Variants in MARCHF1 observed in about 807,000 individuals in gnomAD.
The protein encoded by MARCHF1 is membrane associated ring-CH-type finger 1, also known as E3 ubiquitin-protein ligase MARCHF1.
In MARCHF1, 40 loss-of-function variants were observed where a neutral mutation model predicts 54.2. The ratio of observed to expected loss-of-function variants is 0.74; its 90% CI spans 0.57 to 0.96. The LOEUF (loss-of-function observed/expected upper bound fraction) is 0.96. Among genes scored for constraint, MARCHF1 ranks in the 40% least tolerant of loss-of-function variants. The pLI, the probability that MARCHF1 is intolerant of heterozygous loss-of-function variation, is 0.00. For synonymous variants in MARCHF1, 236 were observed against 236.3 expected, an observed-to-expected ratio of 1.00 and a Z score of 0.01; for missense variants, 586 against 656.5, an observed-to-expected ratio of 0.89 and a Z score of 1.17.
intron 8 of MARCHF1, among the ~76,000 whole-genome samples, chr4:163,556,220 A>G (rs887865394): frequency 6.6e-6 from 1 of 152,190 alleles, no homozygotes; most frequent in South Asian, 2.1e-4. Flanking sequence ...TAGGGTCCCA[A>G]TTGTGGAATT....
intron 1 of MARCHF1, among the ~76,000 whole-genome samples, chr4:164,226,789 T>C (rs184861936): frequency 6.6e-6 from 1 of 152,070 alleles, no homozygotes; most frequent in African/African-American, 2.4e-5. Context: ...CTCATCCCCA[T>C]CTCTCTCATT....
In MARCHF1 at chr4:164,082,290, C is replaced by G. The variant is rs1042436129; in HGVS notation, c.-248+29298G>C. Reference sequence around the variant, plus strand: ...TTATCTATCAGTGAAGTAAATTGTCCGCAAGAACACTAGGGACAGATGCTT... The same window carrying G: ...TTATCTATCAGTGAAGTAAATTGTCGGCAAGAACACTAGGGACAGATGCTT... On this transcript the variant is annotated intron_variant, in intron 2 of 9. Transcript: ENST00000514618. 2.6e-5 allele frequency among the ~76,000 whole-genome samples: 4 copies of G among 152,042 alleles called. 1 individual carries two copies. In the South Asian group the frequency reaches 8.3e-4, roughly 32 times the overall value.
chr4:163,931,904 C>G (rs902856138), intron 3 of MARCHF1, among the ~76,000 whole-genome samples: 2 of 152,164 alleles, frequency 1.3e-5, no homozygotes, highest in African/African-American at 4.8e-5. Flanking sequence ...ATAAATCTTT[C>G]TGTATATAAA....
chr4:163,891,467 ATT>A (rs199792095), intron 3 of MARCHF1, among the ~76,000 whole-genome samples: 1 of 149,240 alleles, frequency 6.7e-6, no homozygotes, highest in African/African-American at 2.5e-5. Context: ...AAGCTACACC[ATT>A]TTTTTTTTCC....
At chr4:163,846,861 G>A (rs546916802) in intron 4 of MARCHF1, among the ~76,000 whole-genome samples, 1 of 152,076 alleles carries the variant, frequency 6.6e-6, no homozygotes, top group Non-Finnish European at 1.5e-5. Flanking sequence ...CTCTGCTCAA[G>A]GAATATAATA....
intron 1 of MARCHF1, among the ~76,000 whole-genome samples, chr4:164,334,306 G>A (rs1729670125): frequency 6.6e-6 from 1 of 152,172 alleles, no homozygotes; most frequent in African/African-American, 2.4e-5. Flanking sequence ...AAGCTTCAAA[G>A]GACAGGCTGA....
chr4:163,580,779 G>T (rs1478291630), intron 8 of MARCHF1, among the ~76,000 whole-genome samples: 1 of 151,856 alleles, frequency 6.6e-6, no homozygotes, highest in Non-Finnish European at 1.5e-5. Flanking sequence ...CATCAGGAAT[G>T]ATTTAAGTAA....
intron 1 of MARCHF1, among the ~76,000 whole-genome samples, chr4:164,197,872 T>C (rs1406200236): frequency 6.6e-6 from 1 of 152,120 alleles, no homozygotes; most frequent in African/African-American, 2.4e-5. Flanking sequence ...GACTGATAAG[T>C]AACCTGGGTC....
chr4:164,051,191 C>T (rs1754357429), intron 2 of MARCHF1, among the ~76,000 whole-genome samples: 1 of 152,074 alleles, frequency 6.6e-6, no homozygotes, highest in Admixed American at 6.5e-5. Flanking sequence ...TAATGATGCT[C>T]ATCTCAAAGG....
chr4:163,927,442 AG>A (rs1053873963), intron 3 of MARCHF1, among the ~76,000 whole-genome samples: 5 of 151,790 alleles, frequency 3.3e-5, no homozygotes, highest in Non-Finnish European at 5.9e-5. Flanking sequence ...CTTTCATGTG[AG>A]GAAAAAAGGG....
intron 2 of MARCHF1, among the ~76,000 whole-genome samples, chr4:164,015,142 T>A (rs932773941): frequency 3.3e-5 from 5 of 152,108 alleles, no homozygotes; most frequent in South Asian, 2.1e-4. Context: ...AATACAGCTA[T>A]AAATCTATCC....
intron 1 of MARCHF1, among the ~76,000 whole-genome samples, chr4:164,295,039 G>A (rs1334487537): frequency 6.6e-6 from 1 of 151,284 alleles, no homozygotes; most frequent in Non-Finnish European, 1.5e-5. Flanking sequence ...ACACATTTAC[G>A]TAAGTTTTAC....
chr4:164,215,528 G>A (rs1362344187), intron 1 of MARCHF1, among the ~76,000 whole-genome samples: 1 of 152,144 alleles, frequency 6.6e-6, no homozygotes, highest in African/African-American at 2.4e-5. Flanking sequence ...AGGTCTGTGG[G>A]CACAGGCCCA....
At chr4:164,156,186 T>A (rs1730071841) in intron 1 of MARCHF1, among the ~76,000 whole-genome samples, 1 of 152,174 alleles carries the variant, frequency 6.6e-6, no homozygotes, top group African/African-American at 2.4e-5. Flanking sequence ...GGCCCCCAGT[T>A]CTACATTTTT....
intron 2 of MARCHF1, among the ~76,000 whole-genome samples, chr4:164,048,232 T>C (rs916764709): frequency 6.6e-6 from 1 of 152,192 alleles, no homozygotes; most frequent in Admixed American, 6.5e-5. Flanking sequence ...TCAGTATTTT[T>C]ATTATTGTTT....
At chr4:163,553,526 GT>G (rs754039005) in intron 8 of MARCHF1, among the ~76,000 whole-genome samples, 7 of 152,168 alleles carry the variant, frequency 4.6e-5, no homozygotes, top group Non-Finnish European at 1.0e-4. Context: ...GATAAGAAGG[GT>G]TATTACAAAA....
intron 1 of MARCHF1, among the ~76,000 whole-genome samples, chr4:164,128,684 C>A (rs1309823340): frequency 1.3e-5 from 2 of 152,064 alleles, no homozygotes; most frequent in African/African-American, 4.8e-5. Flanking sequence ...TGGTGAGAAA[C>A]TCCAAAATTA....
In MARCHF1 at chr4:164,085,493, T is replaced by G. The variant is rs1380907789; in HGVS notation, c.-248+26095A>C. Among the ~76,000 whole-genome samples, 3 of 151,840 alleles carry G rather than the reference T, an allele frequency of 2.0e-5. No homozygotes were observed. The East Asian group carries it at 5.8e-4, about 29-fold the overall frequency. ...AAAATTAAGGTTCTGAATACTCAGA[T>G]AGAAGAAAATTATTTTCTCCAACAC... On this transcript the variant is annotated intron_variant, in intron 2 of 9. Coordinates refer to ENST00000514618, the MANE Select transcript of MARCHF1 (RefSeq NM_001394959.1).
At chr4:163,997,891 T>C (rs1753107973) in intron 2 of MARCHF1, among the ~76,000 whole-genome samples, 1 of 150,748 alleles carries the variant, frequency 6.6e-6, no homozygotes, top group Non-Finnish European at 1.5e-5. Flanking sequence ...CCATTACACA[T>C]TTGTTATCTA....
Sources: gnomAD v4.1 joint callset for allele counts (sites outside exome capture counted in the v4.1 genomes callset) on GRCh38, gnomAD v4.1.1 for gene constraint, MANE v1.5 for transcripts, NCBI Gene and HGNC (gene_info 2026-07-23, HGNC 2026-07-21) for gene names.